PROX1: variants seen among roughly 807,000 people sequenced by gnomAD.
PROX1 encodes the protein prospero homeobox protein 1.
PROX1 carries 7 observed loss-of-function variants against 58.8 expected under a neutral mutation model. The ratio of observed to expected loss-of-function variants is 0.12; its 90% CI spans 0.07 to 0.22. The LOEUF (loss-of-function observed/expected upper bound fraction) is 0.22. Among genes scored for constraint, PROX1 ranks in the 10% least tolerant of loss-of-function variants. The pLI is 1.00. For synonymous variants in PROX1, 350 were observed against 358.3 expected (o/e 0.98, Z 0.26); for missense variants, 675 against 927.8 (o/e 0.73, Z 3.54).
intron 3 of PROX1, among the ~76,000 whole-genome samples, chr1:214,010,078 C>A (rs1191157845): frequency 6.6e-6 from 1 of 152,120 alleles, no homozygotes; most frequent in Non-Finnish European, 1.5e-5. Context: ...CTTCAGTTGT[C>A]TTTTTAATCG....
chr1:213,993,997 C>T (rs1420406273), intron 1 of PROX1, among the ~76,000 whole-genome samples: 1 of 152,238 alleles, frequency 6.6e-6, no homozygotes, highest in African/African-American at 2.4e-5. Flanking sequence ...TTTCTTTCCA[C>T]CTTAGGAAGA....
At chr1:214,019,975 A>C (rs1231495609) in intron 4 of PROX1, among the ~76,000 whole-genome samples, 1 of 152,164 alleles carries the variant, frequency 6.6e-6, no homozygotes, top group Admixed American at 6.5e-5. Context: ...CTACAATGCG[A>C]AATGAAGTGA....
At chr1:214,031,076 C>CCT (rs1558188398) in intron 4 of PROX1, among the ~76,000 whole-genome samples, 2 of 150,400 alleles carry the variant, frequency 1.3e-5, no homozygotes, top group African/African-American at 4.9e-5. Flanking sequence ...TGCGCGCGCG[C>CCT]GCATTCGCGC....
chr1:214,039,110 A>C lies in PROX1; in HGVS notation c.*3276A>C. On this transcript the variant is annotated 3_prime_UTR_variant, in exon 5 of 5. Transcript: ENST00000366958. The stretch of plus-strand genomic sequence containing the variant: ...TATACACACATGTAAAAATATACAT[A>C]TATATATATGCGTGTGAAGTGGAAA... The C allele has an allele frequency of 6.6e-6, 1 of 152,070 alleles. No individual in the cohort carries two copies. The highest frequency in any genetic ancestry group is 2.1e-4 in the South Asian group (1 of 4,824). The allele number at this position is 152,070 out of a possible 1,614,324, so 9.4% of individuals were successfully genotyped here. A position where few individuals can be genotyped will look rare whatever the true frequency, so the allele number is the denominator to read the frequency against.
intron 3 of PROX1, among the ~76,000 whole-genome samples, chr1:214,009,736 A>G (rs977486421): frequency 6.6e-6 from 1 of 152,156 alleles, no homozygotes; most frequent in Non-Finnish European, 1.5e-5. Context: ...TCTAGAAAAA[A>G]AATACCCTTC....
chr1:213,993,198 G>T (rs146775815), intron 1 of PROX1, among the ~76,000 whole-genome samples: 1 of 152,118 alleles, frequency 6.6e-6, no homozygotes, highest in Non-Finnish European at 1.5e-5. Flanking sequence ...GGGTTTACAG[G>T]AATAGAGTAA....
In PROX1 at chr1:214,035,521, AT is replaced by A. The variant is rs991581329; in HGVS notation, c.2029-123del. ...TACATTAAAAGAATAGAAGCCAGCT[AT>A]TTTTAGAAAATGCAGGTGCCATGTA... On this transcript the variant is annotated intron_variant, in intron 4 of 4. Coordinates refer to ENST00000366958, the MANE Select transcript of PROX1 (RefSeq NM_001270616.2). 43 of 841,896 alleles carry A rather than the reference AT, an allele frequency of 5.1e-5. No individual in the cohort carries two copies. The African/African-American group carries it at 7.4e-4, about 14-fold the overall frequency. 52.2% of individuals were successfully genotyped at this position (841,896 alleles called of 1,614,324 possible). A position where few individuals can be genotyped will look rare whatever the true frequency, so the allele number is the denominator to read the frequency against.
chr1:213,983,717 C>T (rs779715764), upstream of PROX1: 2 of 152,340 alleles, frequency 1.3e-5, no homozygotes, highest in Non-Finnish European at 2.9e-5. Flanking sequence ...CCGAAGGCAT[C>T]CCCTCCGTTT....
chr1:213,997,359 C>G lies in PROX1; in HGVS notation c.824C>G (p.Ser275Cys). The part of the protein sequence containing the change: ...DSENDEDGNL[S>C]EDSMRSEILD... Reference sequence around the variant, plus strand: ...GAAAATGATGAAGATGGTAACCTGTCTGAAGACAGCATGCGCTCGGAGATC... The same window carrying G: ...GAAAATGATGAAGATGGTAACCTGTGTGAAGACAGCATGCGCTCGGAGATC... The change falls in exon 2 of 5, where the codon TCT becomes TGT. Residue 275 changes from serine (S) to cysteine (C), a missense_variant. Physicochemically the swap from Ser to Cys is moderately radical, Grantham distance 112. Transcript: ENST00000366958. The surrounding 1 kb of genome is among the most constrained non-coding windows in gnomAD (Gnocchi z 7.1). The G allele has an allele frequency of 6.2e-7, 1 of 1,614,096 alleles. No individual in the cohort carries two copies. The highest frequency in any genetic ancestry group is 8.5e-7 in the Non-Finnish European group (1 of 1,180,030).
intron 4 of PROX1, among the ~76,000 whole-genome samples, chr1:214,025,831 T>G (rs1664435736): frequency 6.6e-6 from 1 of 152,068 alleles, no homozygotes; most frequent in Non-Finnish European, 1.5e-5. Context: ...CCGGCTAATT[T>G]TTTTGTATTT....
At chr1:214,032,117 A>C (rs1443393747) in intron 4 of PROX1, among the ~76,000 whole-genome samples, 2 of 152,180 alleles carry the variant, frequency 1.3e-5, no homozygotes, top group Non-Finnish European at 2.9e-5. Context: ...ATTTCCATTT[A>C]TTTTGAAGTT....
At chr1:213,986,446 G>A (rs1313133421), upstream of PROX1, 1 of 152,130 alleles carries the variant, frequency 6.6e-6, no homozygotes, top group South Asian at 2.1e-4. Context: ...CAAAGGGAGG[G>A]CTTAATATCC....
intron 4 of PROX1, among the ~76,000 whole-genome samples, chr1:214,019,822 G>T (rs895747547): frequency 6.6e-6 from 1 of 152,198 alleles, no homozygotes; most frequent in African/African-American, 2.4e-5. Context: ...CTTGCCAGAC[G>T]CCTGTGCCCA....
At chr1:214,013,490 T>A (rs1663988084) in intron 4 of PROX1, among the ~76,000 whole-genome samples, 1 of 152,150 alleles carries the variant, frequency 6.6e-6, no homozygotes, top group Admixed American at 6.5e-5. Context: ...ATGAAAGAAT[T>A]GCCCAAGATT....
Position 214,016,908 on chromosome 1 carries a change from C to CT in PROX1, c.2028+5199dup, listed in dbSNP as rs201200601. Reference sequence around the variant, plus strand: ...TCATTGCATTTTTAGCTCCCTGTGTCTTTTTTGTCATTGGGTTACATTCAA... The same window carrying CT: ...TCATTGCATTTTTAGCTCCCTGTGTCTTTTTTTGTCATTGGGTTACATTCAA... On this transcript the variant is annotated intron_variant, in intron 4 of 4. Transcript: ENST00000366958. Among the ~76,000 whole-genome samples the CT allele has an allele frequency of 4.7e-3, 710 of 152,236 alleles. 5 individuals carry two copies. The highest frequency in any genetic ancestry group is 7.6e-3 in the Non-Finnish European group (515 of 68,004).
At chr1:213,983,564 TGCG>T (rs1366669958), upstream of PROX1, among the ~76,000 whole-genome samples, 1 of 152,176 alleles carries the variant, frequency 6.6e-6, no homozygotes, top group Admixed American at 6.5e-5. Context: ...CCCCTTGAGT[TGCG>T]GCCCGAGACT....
intron 4 of PROX1, among the ~76,000 whole-genome samples, chr1:214,025,393 G>A (rs575272385): frequency 6.6e-6 from 1 of 152,368 alleles, no homozygotes; most frequent in East Asian, 1.9e-4. Context: ...GCTAAAAGCA[G>A]GGGCTGGCAA....
intron 2 of PROX1, among the ~76,000 whole-genome samples, chr1:213,998,658 A>G: frequency 6.6e-6 from 1 of 152,226 alleles, no homozygotes; most frequent in East Asian, 1.9e-4. Context: ...TATTTTTTAA[A>G]GATGGTAAGT....
intron 3 of PROX1, among the ~76,000 whole-genome samples, chr1:214,008,749 G>T (rs1663807515): frequency 6.6e-6 from 1 of 152,188 alleles, no homozygotes; most frequent in Admixed American, 6.5e-5. Context: ...TCTTCTACAG[G>T]GGTGATGTAT....
Sources: gnomAD v4.1 joint callset for allele counts (sites outside exome capture counted in the v4.1 genomes callset) on GRCh38, gnomAD v4.1.1 for gene constraint, Gnocchi (gnomAD v3.1) non-coding constraint, MANE v1.5 for transcripts, NCBI Gene and HGNC (gene_info 2026-07-23, HGNC 2026-07-21) for gene names.